The following DNAH9 variants were observed in gnomAD, a reference collection of about 807,000 sequenced individuals.
DNAH9 encodes the protein DNAH9 variant protein.
Under a neutral mutation model 471.6 loss-of-function variants are expected in DNAH9, and 345 were observed. The ratio of observed to expected loss-of-function variants is 0.73; its 90% CI spans 0.67 to 0.80. The LOEUF (loss-of-function observed/expected upper bound fraction) is 0.80, where lower values mean the gene tolerates loss of function less well. Ranked by LOEUF, DNAH9 falls within the 30% of genes least tolerant of loss-of-function variation. The probability of loss-of-function intolerance (pLI) is 0.00; values close to 1 mark genes in which losing one functional copy is unlikely to be tolerated. For missense variants in DNAH9, 5,407 were observed against 5,609.2 expected (o/e 0.96, Z 1.15); for synonymous variants, 2,093 against 2,123.6 (o/e 0.99, Z 0.40).
At chr17:11,869,863 G>A (rs150348898) in intron 51 of DNAH9, among the ~76,000 whole-genome samples, 90 of 152,282 alleles carry the variant, frequency 5.9e-4, no homozygotes, top group African/African-American at 2.1e-3. Context: ...GTTTGTTGAG[G>A]GCAGGGCTCA....
At position 11,796,995 on chromosome 17, in the gene DNAH9, C is replaced by T. The variant is rs529657900; in HGVS notation, c.8224-602C>T. Among the ~76,000 whole-genome samples, 10 of 152,188 alleles carry T rather than the reference C, an allele frequency of 6.6e-5. No homozygotes were observed. The East Asian group carries it at 1.5e-3, about 24-fold the overall frequency. ...TATGGGTGAGATTTGACACACAGCCCGAAAGTGTTGTAAGTAGGGAGTTCT... is the reference window on the plus strand; with the variant it reads ...TATGGGTGAGATTTGACACACAGCCTGAAAGTGTTGTAAGTAGGGAGTTCT... On this transcript the variant is annotated intron_variant, in intron 42 of 68. Coordinates refer to ENST00000262442, the MANE Select transcript of DNAH9 (RefSeq NM_001372.4).
chr17:11,910,009 C>T (rs1238433464), intron 61 of DNAH9, among the ~76,000 whole-genome samples: 1 of 152,220 alleles, frequency 6.6e-6, no homozygotes, highest in East Asian at 1.9e-4. Flanking sequence ...GTAATCCCAG[C>T]ACTTTGGGAG....
intron 68 of DNAH9, among the ~76,000 whole-genome samples, chr17:11,967,141 T>G (rs1044439222): frequency 4.6e-5 from 7 of 151,910 alleles, no homozygotes; most frequent in Non-Finnish European, 8.8e-5. Context: ...GTGACTAACT[T>G]TGCCACCCAG....
chr17:11,659,858 A>T (rs905281913), intron 14 of DNAH9, among the ~76,000 whole-genome samples: 3 of 152,024 alleles, frequency 2.0e-5, no homozygotes, highest in Admixed American at 6.5e-5. Context: ...GTCTTATCTC[A>T]TTCCTTTGAT....
chr17:11,677,525 T>C (rs2074066780), intron 17 of DNAH9, among the ~76,000 whole-genome samples: 2 of 152,242 alleles, frequency 1.3e-5, no homozygotes, highest in Admixed American at 1.3e-4. Context: ...TCAACCTTGC[T>C]GTGCCCTTCC....
chr17:11,836,490 T>C (rs987357562), intron 49 of DNAH9, among the ~76,000 whole-genome samples: 2 of 152,144 alleles, frequency 1.3e-5, no homozygotes, highest in African/African-American at 4.8e-5. Flanking sequence ...ATTTTTCCAT[T>C]AGGAATTTGT....
chr17:11,883,684 G>C lies in DNAH9; in HGVS notation c.10905G>C (p.Leu3635=). The C allele has an allele frequency of 4.3e-6, 7 of 1,614,144 alleles. No individual in the cohort carries two copies. Among genetic ancestry groups the C allele is most frequent in the Non-Finnish European group, 5.9e-6 (7 of 1,180,024 alleles). ...SRLSSASGNF[L]GETVLVENLE... ...TCTCCTCCGCCTCTGGGAACTTCCT[G>C]GGAGAAACAGTGCTGGTGGAAAACC... The change falls in exon 56 of 69, where the codon CTG becomes CTC. Residue 3635 remains leucine, a synonymous_variant. Transcript: ENST00000262442.
In DNAH9 at chr17:11,805,523, C is replaced by CTTTTTTTTTTTTTTTTTTTTT. The variant is rs773842478; in HGVS notation, c.8421-2187_8421-2167dup. Among the ~76,000 whole-genome samples the CTTTTTTTTTTTTTTTTTTTTT allele has an allele frequency of 9.6e-5, 5 of 52,070 alleles. 2 individuals are homozygous for CTTTTTTTTTTTTTTTTTTTTT. The highest frequency in any genetic ancestry group is 1.5e-4 in the African/African-American group (2 of 13,524). The allele number at this position is 52,070 out of a possible 152,430, so 34.2% of individuals were successfully genotyped here. Reference sequence around the variant, plus strand: ...TATTTGGCCAAACTTTACCCGAGTTCTTTTTTTTTTTTTTTTTTTTTTTTT... The same window carrying CTTTTTTTTTTTTTTTTTTTTT: ...TATTTGGCCAAACTTTACCCGAGTTCTTTTTTTTTTTTTTTTTTTTTTTTTTTTTTTTTTTTTTTTTTTTTT... On this transcript the variant is annotated intron_variant, in intron 43 of 68. Coordinates refer to ENST00000262442, the MANE Select transcript of DNAH9 (RefSeq NM_001372.4).
chr17:11,720,044 G>A (rs1271037721), intron 27 of DNAH9, among the ~76,000 whole-genome samples: 1 of 152,072 alleles, frequency 6.6e-6, no homozygotes, highest in East Asian at 1.9e-4. Flanking sequence ...CAGAAGACAA[G>A]TGCAAAGCTA....
chr17:11,859,374 T>C (rs1049967928), intron 50 of DNAH9, among the ~76,000 whole-genome samples: 1 of 143,186 alleles, frequency 7.0e-6, no homozygotes, highest in African/African-American at 2.6e-5. Flanking sequence ...ATCGTGCCAT[T>C]GCACTCCAGC....
intron 32 of DNAH9, among the ~76,000 whole-genome samples, chr17:11,752,343 A>C (rs1967191793): frequency 6.6e-6 from 1 of 152,218 alleles, no homozygotes; most frequent in Non-Finnish European, 1.5e-5. Context: ...GTCACTTAAA[A>C]AGCTTGTACT....
intron 49 of DNAH9, among the ~76,000 whole-genome samples, chr17:11,838,614 A>G (rs761129183): frequency 2.6e-5 from 4 of 152,184 alleles, no homozygotes; most frequent in Non-Finnish European, 5.9e-5. Flanking sequence ...CTGTGGGTAC[A>G]GAAGTGGGTG....
intron 5 of DNAH9, among the ~76,000 whole-genome samples, chr17:11,618,527 A>C (rs574072327): frequency 1.3e-5 from 2 of 150,614 alleles, no homozygotes. Context: ...CAGAAGTTGC[A>C]GTGAGCGAAG....
Position 11,905,670 on chromosome 17 carries a change from T to C in DNAH9, c.11610T>C (p.Val3870=). 1 of 1,613,672 alleles carries C rather than the reference T, an allele frequency of 6.2e-7. No homozygotes were observed. The highest frequency in any genetic ancestry group is 1.1e-5 in the South Asian group (1 of 90,974). ...GCTTTTTTTCTGGCAGAGATTTTGT[T>C]GAAGAGAAGTTAGGAAGCAAATACG... ...DRMTYALRDF[V]EEKLGSKYVV... Residue 3870 remains valine (V), a synonymous_variant, in exon 61 of 69, where the codon GTT becomes GTC. Coordinates refer to ENST00000262442, the MANE Select transcript of DNAH9 (RefSeq NM_001372.4).
chr17:11,966,152 C>A (rs1463073682), intron 68 of DNAH9, among the ~76,000 whole-genome samples: 1 of 152,170 alleles, frequency 6.6e-6, no homozygotes. Flanking sequence ...ACTCAGAGAT[C>A]CATACCAAGA....
Position 11,937,505 on chromosome 17 carries a change from G to T in DNAH9, c.12643G>T (p.Ala4215Ser). ...RDSQARDGAG[A>S]TREEKVKALL... ...CAGCCAGGCCAGAGACGGAGCGGGC[G>T]CCACAAGAGAAGAAAAGGTGTGTGT... Residue 4215 changes from alanine (A) to serine (S), a missense_variant, in exon 66 of 69, where the codon GCC (alanine) becomes TCC (serine). Ala to Ser is a moderately conservative substitution (Grantham distance 99). Transcript: ENST00000262442. This position sits in a 1 kb window ranked among gnomAD's most constrained non-coding sequence, Gnocchi z 4.1. 1 of 1,612,318 alleles carries T rather than the reference G, an allele frequency of 6.2e-7. No homozygotes were observed. Among genetic ancestry groups the T allele is most frequent in the East Asian group, 2.2e-5 (1 of 44,842 alleles).
chr17:11,686,408 A>T (rs1247832070), intron 19 of DNAH9, among the ~76,000 whole-genome samples: 1 of 151,974 alleles, frequency 6.6e-6, no homozygotes, highest in Non-Finnish European at 1.5e-5. Flanking sequence ...GACTCAACCC[A>T]CCCTTTTCCC....
chr17:11,917,191 T>A (rs912351566), intron 61 of DNAH9, among the ~76,000 whole-genome samples: 5 of 152,176 alleles, frequency 3.3e-5, no homozygotes, highest in Non-Finnish European at 7.3e-5. Context: ...TTTGCTCTTG[T>A]CACCCAGGCT....
At chr17:11,738,485 A>G (rs1411639810) in intron 28 of DNAH9, among the ~76,000 whole-genome samples, 1 of 152,150 alleles carries the variant, frequency 6.6e-6, no homozygotes, top group Admixed American at 6.5e-5. Context: ...GATTCAAACA[A>G]TTCTCCTGCC....
Sources: gnomAD v4.1 joint callset for allele counts (sites outside exome capture counted in the v4.1 genomes callset) on GRCh38, gnomAD v4.1.1 for gene constraint, Gnocchi (gnomAD v3.1) non-coding constraint, MANE v1.5 for transcripts, NCBI Gene and HGNC (gene_info 2026-07-23, HGNC 2026-07-21) for gene names.